NRXN3: variants seen among roughly 807,000 people sequenced by gnomAD.
The protein encoded by NRXN3 is neurexin 3, also known as neurexin III.
NRXN3 carries 32 observed loss-of-function variants against 137.6 expected under a neutral mutation model. The ratio of observed to expected loss-of-function variants is 0.23; its 90% CI spans 0.18 to 0.31. NRXN3 has a LOEUF of 0.31. Ranked by LOEUF, NRXN3 falls within the 10% of genes least tolerant of loss-of-function variation. The probability of loss-of-function intolerance (pLI) is 1.00; values close to 1 mark genes in which losing one functional copy is unlikely to be tolerated. For synonymous variants in NRXN3, 798 were observed against 784.5 expected, an observed-to-expected ratio of 1.02 and a Z score of -0.29; for missense variants, 1,574 against 2,062.5, an observed-to-expected ratio of 0.76 and a Z score of 4.59.
intron 8 of NRXN3, among the ~76,000 whole-genome samples, chr14:78,762,023 C>G (rs779679130): frequency 3.3e-5 from 5 of 152,126 alleles, no homozygotes; most frequent in Admixed American, 6.6e-5. Flanking sequence ...ATTTACTCAC[C>G]TTGGGTCCTG....
intron 15 of NRXN3, among the ~76,000 whole-genome samples, chr14:79,243,847 T>G (rs1315522208): frequency 6.6e-6 from 1 of 152,154 alleles, no homozygotes; most frequent in Non-Finnish European, 1.5e-5. Context: ...AATGTCATTA[T>G]GTAGTACATG....
In NRXN3 at chr14:79,258,640, T is replaced by C. The variant is rs184170778; in HGVS notation, c.3263-208581T>C. ...CCAAAGGATGTAGTTTTATAATTTCTCTGAGGGTCAGTTCTTCCAGTTTTA... is the reference window on the plus strand; with the variant it reads ...CCAAAGGATGTAGTTTTATAATTTCCCTGAGGGTCAGTTCTTCCAGTTTTA... On this transcript the variant is annotated intron_variant, in intron 15 of 20. Coordinates refer to ENST00000335750, the MANE Select transcript of NRXN3 (RefSeq NM_001330195.2). Among the ~76,000 whole-genome samples, 1,014 of 152,354 alleles carry C rather than the reference T, an allele frequency of 6.7e-3. 8 individuals carry two copies. The highest frequency in any genetic ancestry group is 0.012 in the Non-Finnish European group (791 of 68,030).
intron 15 of NRXN3, among the ~76,000 whole-genome samples, chr14:79,197,976 A>G (rs1037225657): frequency 1.3e-5 from 2 of 152,168 alleles, no homozygotes; most frequent in Admixed American, 1.3e-4. Context: ...CCAGGAGTAG[A>G]TTCCATCTGA....
intron 15 of NRXN3, among the ~76,000 whole-genome samples, chr14:79,114,482 A>G (rs2370902): frequency 0.33 from 50,039 of 152,052 alleles, 8,733 homozygotes; most frequent in Admixed American, 0.46. Context: ...AGTCATGTTT[A>G]TGTACTCAGC....
intron 4 of NRXN3, among the ~76,000 whole-genome samples, chr14:78,628,137 A>G (rs536429047): frequency 6.6e-6 from 1 of 150,410 alleles, no homozygotes; most frequent in African/African-American, 2.5e-5. Flanking sequence ...CAGTAGTGTG[A>G]TCATGACTCA....
intron 16 of NRXN3, among the ~76,000 whole-genome samples, chr14:79,522,938 A>T (rs2097082257): frequency 6.6e-6 from 1 of 152,120 alleles, no homozygotes; most frequent in Non-Finnish European, 1.5e-5. Flanking sequence ...TATCACAGAA[A>T]CAGTGACTAT....
At position 79,862,124 on chromosome 14, in the gene NRXN3, A is replaced by G. The variant is rs1055080955; in HGVS notation, c.*160A>G. On this transcript the variant is annotated 3_prime_UTR_variant, in exon 21 of 21. Transcript: ENST00000335750. ...GGGAAAACCGTTTTTTAAAGGACACACACACACACAGCGATGCATCTCTCT... is the reference window on the plus strand; with the variant it reads ...GGGAAAACCGTTTTTTAAAGGACACGCACACACACAGCGATGCATCTCTCT... The G allele has an allele frequency of 4.8e-5, 30 of 626,432 alleles. No homozygotes were observed. The highest frequency in any genetic ancestry group is 4.1e-4 in the Middle Eastern group (1 of 2,428). The allele number at this position is 626,432 out of a possible 1,614,324, so 38.8% of individuals were successfully genotyped here. A position where few individuals can be genotyped will look rare whatever the true frequency, so the allele number is the denominator to read the frequency against.
chr14:79,389,630 C>A (rs1176224864), intron 15 of NRXN3, among the ~76,000 whole-genome samples: 1 of 152,196 alleles, frequency 6.6e-6, no homozygotes, highest in East Asian at 1.9e-4. Flanking sequence ...ATGCTTCATG[C>A]AATAAGGACT....
At chr14:79,109,799 A>G (rs1341251976) in intron 15 of NRXN3, among the ~76,000 whole-genome samples, 2 of 152,192 alleles carry the variant, frequency 1.3e-5, no homozygotes, top group South Asian at 2.1e-4. Flanking sequence ...TTTGTCATGC[A>G]AGGGCTAATT....
intron 4 of NRXN3, among the ~76,000 whole-genome samples, chr14:78,573,955 A>C (rs2096912869): frequency 6.6e-6 from 1 of 152,164 alleles, no homozygotes. Flanking sequence ...GGTTTCATGG[A>C]TTGGGCCCAG....
intron 1 of NRXN3, among the ~76,000 whole-genome samples, chr14:78,199,743 C>A (rs1595845265): frequency 6.6e-6 from 1 of 152,292 alleles, no homozygotes; most frequent in East Asian, 1.9e-4. Flanking sequence ...GTGAACAAAC[C>A]AGTCTCCCAG....
At chr14:79,257,424 A>T (rs867913670) in intron 15 of NRXN3, among the ~76,000 whole-genome samples, 3 of 19,330 alleles carry the variant, frequency 1.6e-4, no homozygotes, top group South Asian at 2.8e-3. Flanking sequence ...GATGGTGGTG[A>T]TGGTGGTGGT....
intron 2 of NRXN3, among the ~76,000 whole-genome samples, chr14:78,274,621 A>T (rs1031044604): frequency 6.6e-6 from 1 of 152,228 alleles, no homozygotes; most frequent in Non-Finnish European, 1.5e-5. Context: ...GGACTTGAGG[A>T]TGACCATGCT....
intron 1 of NRXN3, among the ~76,000 whole-genome samples, chr14:78,172,037 T>C (rs555759179): frequency 6.6e-6 from 1 of 152,188 alleles, no homozygotes; most frequent in South Asian, 2.1e-4. Flanking sequence ...GGGGAGATAG[T>C]TTTTCTTTTA....
intron 20 of NRXN3, among the ~76,000 whole-genome samples, chr14:79,834,851 T>C (rs2099333370): frequency 6.6e-6 from 1 of 152,110 alleles, no homozygotes; most frequent in South Asian, 2.1e-4. Context: ...TCTTGTACAG[T>C]TTATTTCAAA....
At chr14:78,937,475 T>A (rs772624630) in intron 10 of NRXN3, among the ~76,000 whole-genome samples, 1 of 152,232 alleles carries the variant, frequency 6.6e-6, no homozygotes, top group African/African-American at 2.4e-5. Flanking sequence ...GGCTGCTCAC[T>A]GTTCCTGTTT....
chr14:79,015,479 C>A (rs2099577753), intron 15 of NRXN3, among the ~76,000 whole-genome samples: 1 of 152,094 alleles, frequency 6.6e-6, no homozygotes, highest in African/African-American at 2.4e-5. Flanking sequence ...GACAGACAAC[C>A]CATGGGTCTT....
rs1026814726 is a variant in NRXN3 at position 78,278,331 on chromosome 14, G to A, written c.710-314G>A. Among the ~76,000 whole-genome samples, 4 of 152,164 alleles carry A rather than the reference G, an allele frequency of 2.6e-5. No homozygotes were observed. In the East Asian group the frequency reaches 7.7e-4, roughly 29 times the overall value. The stretch of plus-strand genomic sequence containing the variant: ...GAATATTTTAACCAATATTCTTGCA[G>A]GATTCCAGTCTGCTTGGCTCTTTGA... On this transcript the variant is annotated intron_variant, in intron 2 of 20. Transcript: ENST00000335750.
intron 16 of NRXN3, among the ~76,000 whole-genome samples, chr14:79,557,686 G>C (rs1271459913): frequency 6.6e-6 from 1 of 152,126 alleles, no homozygotes; most frequent in Non-Finnish European, 1.5e-5. Context: ...AGCCTTCAGA[G>C]AGTCATAACC....
Sources: gnomAD v4.1 joint callset for allele counts (sites outside exome capture counted in the v4.1 genomes callset) on GRCh38, gnomAD v4.1.1 for gene constraint, MANE v1.5 for transcripts, NCBI Gene and HGNC (gene_info 2026-07-23, HGNC 2026-07-21) for gene names.